The following NEGR1 variants were observed in gnomAD, a reference collection of about 807,000 sequenced individuals.
NEGR1 encodes IgLON family member 4.
A neutral mutation model predicts 40.9 loss-of-function variants in NEGR1; 10 were observed. The observed-to-expected ratio is 0.24, with a 90% CI of 0.15 to 0.42. The LOEUF (loss-of-function observed/expected upper bound fraction) is 0.42, where lower values mean the gene tolerates loss of function less well. Ranked by LOEUF, NEGR1 falls within the 10% of genes least tolerant of loss-of-function variation. NEGR1 has a pLI of 1.00. For synonymous variants in NEGR1, 185 were observed against 166.8 expected, an observed-to-expected ratio of 1.11 and a Z score of -0.84; for missense variants, 352 against 438.9, an observed-to-expected ratio of 0.80 and a Z score of 1.77.
chr1:71,793,243 C>T (rs1468610250), intron 2 of NEGR1, among the ~76,000 whole-genome samples: 7 of 318 alleles, frequency 0.022, no homozygotes, highest in Middle Eastern at 0.5. Flanking sequence ...TGCAGTGGCA[C>T]GATCTTGGCT....
Position 71,456,435 on chromosome 1 carries a change from A to G in NEGR1, c.941-48865T>C, listed in dbSNP as rs368789572. ...AGTAAGGGTACTTTCACTAGAATGAAGGATTTATCCTACTGCTGTGTCCCT... is the reference window on the plus strand; with the variant it reads ...AGTAAGGGTACTTTCACTAGAATGAGGGATTTATCCTACTGCTGTGTCCCT... On this transcript the variant is annotated intron_variant, in intron 6 of 6. Transcript: ENST00000357731. Among the ~76,000 whole-genome samples the G allele has an allele frequency of 7.5e-4, 114 of 152,278 alleles. 1 individual carries two copies. Among genetic ancestry groups the G allele is most frequent in the African/African-American group, 2.7e-3 (112 of 41,560 alleles).
chr1:71,650,545 G>A (rs1225438014), intron 4 of NEGR1, among the ~76,000 whole-genome samples: 1 of 152,070 alleles, frequency 6.6e-6, no homozygotes, highest in Non-Finnish European at 1.5e-5. Flanking sequence ...ATAAACAAAC[G>A]CTGTGTTTTT....
At chr1:71,552,515 G>T (rs1266447668) in intron 6 of NEGR1, among the ~76,000 whole-genome samples, 1 of 147,494 alleles carries the variant, frequency 6.8e-6, no homozygotes, top group East Asian at 2.0e-4. Context: ...TATATATATA[G>T]AGAATATATA....
At chr1:71,663,709 AT>A in intron 4 of NEGR1, among the ~76,000 whole-genome samples, 1 of 152,082 alleles carries the variant, frequency 6.6e-6, no homozygotes, top group East Asian at 1.9e-4. Flanking sequence ...GTCTTTGCCT[AT>A]TTTTAAATAT....
intron 6 of NEGR1, among the ~76,000 whole-genome samples, chr1:71,524,162 C>A (rs1278411350): frequency 6.6e-6 from 1 of 151,744 alleles, no homozygotes; most frequent in East Asian, 1.9e-4. Context: ...AAAGACTAAT[C>A]ATTTATTAGA....
intron 1 of NEGR1, among the ~76,000 whole-genome samples, chr1:72,160,590 T>C (rs1422744849): frequency 6.6e-6 from 1 of 152,150 alleles, no homozygotes; most frequent in Non-Finnish European, 1.5e-5. Flanking sequence ...TGGAACTTTA[T>C]AATAATTCTA....
intron 1 of NEGR1, among the ~76,000 whole-genome samples, chr1:72,188,942 T>C (rs1652713543): frequency 6.6e-6 from 1 of 151,580 alleles, no homozygotes. Flanking sequence ...TTCTTCAATA[T>C]CTATTCTTAT....
At chr1:72,122,416 A>T (rs555837046) in intron 1 of NEGR1, among the ~76,000 whole-genome samples, 1 of 151,914 alleles carries the variant, frequency 6.6e-6, no homozygotes, top group African/African-American at 2.4e-5. Context: ...GGCAAAAAAA[A>T]CTTGTGAATT....
chr1:72,208,178 G>A (rs1490737355), intron 1 of NEGR1, among the ~76,000 whole-genome samples: 1 of 151,648 alleles, frequency 6.6e-6, no homozygotes, highest in African/African-American at 2.4e-5. Context: ...ACATGTGTGT[G>A]CATTGTGCCT....
intron 4 of NEGR1, among the ~76,000 whole-genome samples, chr1:71,664,902 A>G (rs1652189407): frequency 6.6e-6 from 1 of 152,178 alleles, no homozygotes; most frequent in Non-Finnish European, 1.5e-5. Flanking sequence ...TCTGGGGTAG[A>G]TAACCTTTAA....
At chr1:72,223,570 T>A (rs1654080009) in intron 1 of NEGR1, among the ~76,000 whole-genome samples, 1 of 152,160 alleles carries the variant, frequency 6.6e-6, no homozygotes. Flanking sequence ...CAAGAGAATG[T>A]CCTGCCTATT....
chr1:71,790,368 ACTATAC>A (rs1370572352), intron 2 of NEGR1, among the ~76,000 whole-genome samples: 2 of 152,068 alleles, frequency 1.3e-5, no homozygotes, highest in African/African-American at 4.8e-5. Flanking sequence ...TAATGATAAA[ACTATAC>A]CGGAGGTCAG....
intron 4 of NEGR1, among the ~76,000 whole-genome samples, chr1:71,615,783 G>C (rs1157828305): frequency 6.6e-6 from 1 of 152,196 alleles, no homozygotes; most frequent in Non-Finnish European, 1.5e-5. Context: ...ATCCTACAGA[G>C]ATTATTTGTC....
At chr1:71,513,666 G>T (rs1483135891) in intron 6 of NEGR1, among the ~76,000 whole-genome samples, 1 of 152,188 alleles carries the variant, frequency 6.6e-6, no homozygotes, top group Non-Finnish European at 1.5e-5. Context: ...GAGATTCACG[G>T]AAGTTAGGTA....
At chr1:71,912,520 T>C (rs1484192217) in intron 2 of NEGR1, among the ~76,000 whole-genome samples, 1 of 152,202 alleles carries the variant, frequency 6.6e-6, no homozygotes. Flanking sequence ...ACATGACATC[T>C]TTGAAGACCA....
chr1:71,823,390 T>C (rs1167413890), intron 2 of NEGR1, among the ~76,000 whole-genome samples: 1 of 151,950 alleles, frequency 6.6e-6, no homozygotes, highest in Admixed American at 6.6e-5. Context: ...TTATATCCTT[T>C]CTCTCATTTT....
At chr1:72,262,409 C>A (rs1404297670) in intron 1 of NEGR1, among the ~76,000 whole-genome samples, 3 of 151,946 alleles carry the variant, frequency 2.0e-5, no homozygotes, top group Non-Finnish European at 4.4e-5. Context: ...GAAGAATACA[C>A]AGGGTTCATT....
chr1:71,809,290 A>T (rs1052067616), intron 2 of NEGR1, among the ~76,000 whole-genome samples: 2 of 152,306 alleles, frequency 1.3e-5, no homozygotes, highest in East Asian at 3.9e-4. Flanking sequence ...AACAGATATA[A>T]TAGGCCTTGG....
intron 1 of NEGR1, among the ~76,000 whole-genome samples, chr1:72,011,386 T>A (rs533549831): frequency 9.2e-5 from 14 of 152,262 alleles, no homozygotes; most frequent in African/African-American, 3.4e-4. Flanking sequence ...CTCTCAATGT[T>A]ATATAATAGC....
Sources: allele counts gnomAD v4.1 joint callset (sites outside exome capture counted in the v4.1 genomes callset), GRCh38; gene constraint gnomAD v4.1.1; transcripts MANE v1.5; gene names NCBI Gene and HGNC (gene_info 2026-07-23, HGNC 2026-07-21).